The following DOP1B variants were observed in gnomAD, a reference collection of about 807,000 sequenced individuals.
DOP1B encodes the protein protein DOP1B.
Under a neutral mutation model 233.5 loss-of-function variants are expected in DOP1B, and 174 were observed. The ratio of observed to expected loss-of-function variants is 0.75; its 90% CI spans 0.66 to 0.85. The LOEUF is 0.85. Among genes scored for constraint, DOP1B ranks in the 40% least tolerant of loss-of-function variants. The probability of loss-of-function intolerance (pLI) is 0.00; values close to 1 mark genes in which losing one functional copy is unlikely to be tolerated. For synonymous variants in DOP1B, 1,190 were observed against 1,185.6 expected (o/e 1.00, Z -0.08); for missense variants, 2,652 against 2,846.6 (o/e 0.93, Z 1.56).
Position 36,219,436 on chromosome 21 carries a change from T to A in DOP1B, c.1194T>A (p.Asp398Glu), listed in dbSNP as rs780843095. 1 of 1,614,120 alleles carries A rather than the reference T, an allele frequency of 6.2e-7. No individual in the cohort carries two copies. The highest frequency in any genetic ancestry group is 2.2e-5 in the East Asian group (1 of 44,894). The change falls in exon 10 of 37, where the codon GAT (aspartate) becomes GAA (glutamate). Residue 398 changes from aspartate to glutamate, a missense_variant. By Grantham distance (45) the Asp-to-Glu change is conservative. This residue lies in a region of DOP1B where 2,617 missense variants were observed against 2,794.3 expected (regional missense o/e 0.94). Coordinates refer to ENST00000691173, the MANE Select transcript of DOP1B (RefSeq NM_001320714.2). ...VIRAFYSYCR[D>E]ALGSDLKLSY... ...GGGCCTTTTATTCTTACTGCAGAGA[T>A]GCCCTTGGCTCTGATCTTAAACTTA... is the stretch of plus-strand genomic sequence containing the variant.
chr21:36,286,716 CT>C (rs1408335840), intron 32 of DOP1B, among the ~76,000 whole-genome samples: 2 of 152,028 alleles, frequency 1.3e-5, no homozygotes, highest in African/African-American at 4.8e-5. Flanking sequence ...AATCCCAGCA[CT>C]TTGGGAGTCC....
At chr21:36,270,204 T>G in intron 27 of DOP1B, 47 bp downstream of exon 27, 1 of 1,587,680 alleles carries the variant, frequency 6.3e-7, no homozygotes, top group Non-Finnish European at 8.6e-7. Flanking sequence ...CAGCGCGTGG[T>G]TCTGGCTTTT....
intron 2 of DOP1B, chr21:36,170,333 C>T: frequency 3.5e-6 from 1 of 283,334 alleles, no homozygotes; most frequent in South Asian, 3.4e-5. Flanking sequence ...CGCGGTGGCT[C>T]ATGCCTGTAA....
intron 4 of DOP1B, among the ~76,000 whole-genome samples, chr21:36,206,547 T>G (rs566335021): frequency 6.7e-6 from 1 of 149,924 alleles, no homozygotes; most frequent in African/African-American, 2.5e-5. Flanking sequence ...AAAAAAAAAT[T>G]ATTTCTTTAA....
chr21:36,227,304 T>A (rs548425576), intron 12 of DOP1B, among the ~76,000 whole-genome samples: 20 of 151,974 alleles, frequency 1.3e-4, no homozygotes, highest in African/African-American at 4.6e-4. Context: ...TTCCAGCACT[T>A]TGGGAGGCCA....
chr21:36,260,663 A>T lies in DOP1B; in HGVS notation c.5260-14A>T. The T allele has an allele frequency of 6.2e-7, 1 of 1,613,444 alleles. No individual in the cohort carries two copies. The highest frequency in any genetic ancestry group is 8.5e-7 in the Non-Finnish European group (1 of 1,179,880). ...CCACCAACTCGGAGTAATTGGTTTT[A>T]CTTTCATTTTCAGAAATCGCCCCTA... On this transcript the variant is annotated splice_polypyrimidine_tract_variant and intron_variant, in intron 23 of 36. Coordinates refer to ENST00000691173, the MANE Select transcript of DOP1B (RefSeq NM_001320714.2).
chr21:36,260,606 A>AT, intron 23 of DOP1B, 71 bp from the exon 24 acceptor site: 1 of 1,601,030 alleles, frequency 6.2e-7, no homozygotes, highest in Non-Finnish European at 8.5e-7. Context: ...GATCTGTTTC[A>AT]TTTTGTATCT....
At chr21:36,291,121 C>T (rs868156457) in intron 35 of DOP1B, among the ~76,000 whole-genome samples, 7 of 144,734 alleles carry the variant, frequency 4.8e-5, no homozygotes, top group South Asian at 4.4e-4. Flanking sequence ...AATTAGCTGC[C>T]TGTATTGGTG....
At chr21:36,170,009 G>T (rs1601377889) in intron 2 of DOP1B, 1 of 747,806 alleles carries the variant, frequency 1.3e-6, no homozygotes, top group East Asian at 2.6e-5. Context: ...TCGACTTCCC[G>T]TGTGATGTGG....
chr21:36,239,880 C>A lies in DOP1B; in HGVS notation c.2992C>A (p.Pro998Thr). The A allele has an allele frequency of 6.2e-7, 1 of 1,605,080 alleles. No individual in the cohort carries two copies. The highest frequency in any genetic ancestry group is 8.5e-7 in the Non-Finnish European group (1 of 1,177,364). ...CGGGGACGTGGCTCGCATCCTCGAA[C>A]CCGTGCTCCTGCTGCTGCTGCAGCC... ...SLGDVARILE[P>T]VLLLLLQPKT... is the part of the protein sequence containing the mutation. The change falls in exon 18 of 37, where the codon CCC (proline) becomes ACC (threonine). Residue 998 changes from proline (P) to threonine (T), a missense_variant. Around this residue, in one of 3 missense-constraint regions of DOP1B, gnomAD observed 2,617 missense variants for 2,794.3 expected, o/e 0.94. Transcript: ENST00000691173.
chr21:36,170,011 G>A lies in DOP1B; in HGVS notation c.138+5140G>A, dbSNP rs2065957695. On this transcript the variant is annotated intron_variant, in intron 2 of 36. Transcript: ENST00000691173. Reference sequence around the variant, plus strand: ...GGATCTTGGCCTGTCGACTTCCCGTGTGATGTGGGTCATGCCAGCCTTGTA... The same window carrying A: ...GGATCTTGGCCTGTCGACTTCCCGTATGATGTGGGTCATGCCAGCCTTGTA... 6 of 747,666 alleles carry A rather than the reference G, an allele frequency of 8.0e-6. No individual in the cohort carries two copies. The East Asian group carries it at 1.5e-4, about 19-fold the overall frequency. The allele number at this position is 747,666 out of a possible 1,614,324, so 46.3% of individuals were successfully genotyped here.
intron 2 of DOP1B, among the ~76,000 whole-genome samples, chr21:36,181,144 CAAA>C (rs2066093772): frequency 6.6e-6 from 1 of 152,170 alleles, no homozygotes; most frequent in African/African-American, 2.4e-5. Flanking sequence ...GCTGCTATAA[CAAA>C]GAAGTCCAAA....
intron 4 of DOP1B, among the ~76,000 whole-genome samples, chr21:36,204,326 T>C (rs1165798928): frequency 2.0e-5 from 3 of 152,200 alleles, no homozygotes; most frequent in Non-Finnish European, 4.4e-5. Context: ...TGGAGCTCAT[T>C]AATAAGGGAG....
At chr21:36,228,394 C>T (rs940104738) in intron 13 of DOP1B, among the ~76,000 whole-genome samples, 10 of 151,290 alleles carry the variant, frequency 6.6e-5, no homozygotes, top group East Asian at 5.9e-4. Context: ...ACCTGGGAGG[C>T]GGAGGTTGCA....
chr21:36,258,480 T>C (rs2123627922), intron 23 of DOP1B, among the ~76,000 whole-genome samples: 1 of 152,242 alleles, frequency 6.6e-6, no homozygotes, highest in South Asian at 2.1e-4. Flanking sequence ...GTGGCACATA[T>C]CACGCATGTG....
intron 32 of DOP1B, among the ~76,000 whole-genome samples, chr21:36,286,048 C>T (rs780314280): frequency 6.6e-6 from 1 of 151,546 alleles, no homozygotes; most frequent in Non-Finnish European, 1.5e-5. Flanking sequence ...GAATTTCTAA[C>T]ACTTCTCTCC....
At chr21:36,284,285 T>TTTTTCC (rs1370992712) in intron 32 of DOP1B, among the ~76,000 whole-genome samples, 1 of 118,728 alleles carries the variant, frequency 8.4e-6, no homozygotes, top group African/African-American at 3.3e-5. Flanking sequence ...TTTTTTTTTT[T>TTTTTCC]TTTGAGACGG....
At position 36,269,971 on chromosome 21, in the gene DOP1B, C is replaced by A. The variant is rs199968408; in HGVS notation, c.5488-42C>A. On this transcript the variant is annotated intron_variant, in intron 26 of 36. Transcript: ENST00000691173. ...TGTTTTAGGCACTTAACATTCTTTT[C>A]CTTAATTAACTTCCTTTCCCCCTCC... 8 of 1,607,684 alleles carry A rather than the reference C, an allele frequency of 5.0e-6. No homozygotes were observed. The East Asian group carries it at 1.8e-4, about 36-fold the overall frequency.
chr21:36,190,594 C>T (rs971340131), intron 2 of DOP1B, among the ~76,000 whole-genome samples: 30 of 151,992 alleles, frequency 2.0e-4, no homozygotes, highest in African/African-American at 2.7e-4. Context: ...GACAGGGTTT[C>T]GCCATGTTGC....
Sources: allele counts gnomAD v4.1 joint callset (sites outside exome capture counted in the v4.1 genomes callset), GRCh38; gene constraint gnomAD v4.1.1; regional missense constraint gnomAD v4.1.1; transcripts MANE v1.5; gene names NCBI Gene and HGNC (gene_info 2026-07-23, HGNC 2026-07-21).